Variants in ZFHX3 observed in about 807,000 individuals in gnomAD.
ZFHX3 encodes zinc finger homeobox protein 3.
ZFHX3 carries 42 observed loss-of-function variants against 279.1 expected under a neutral mutation model. The observed-to-expected ratio is 0.15, with a 90% CI of 0.12 to 0.19. ZFHX3 has a LOEUF of 0.19. Among genes scored for constraint, ZFHX3 ranks in the 10% least tolerant of loss-of-function variants. The pLI is 1.00. For missense variants in ZFHX3, 4,981 were observed against 4,754.0 expected (o/e 1.05, Z -1.40); for synonymous variants, 2,293 against 1,957.8 (o/e 1.17, Z -4.52).
rs999920457 is a variant in ZFHX3 at position 73,675,347 on chromosome 16, G to A, written c.-1547+4833C>T. On this transcript the variant is annotated intron_variant, in intron 2 of 17. Transcript: ENST00000641206. ...TCATTTCCCAAAACCTCCCTAAATA[G>A]AAGAAAAAAATGTAAGATAAAAATT... is the stretch of plus-strand genomic sequence containing the variant. Among the ~76,000 whole-genome samples the A allele has an allele frequency of 3.3e-5, 5 of 151,658 alleles. No individual in the cohort carries two copies. In the East Asian group the frequency reaches 7.7e-4, roughly 23 times the overall value.
At chr16:73,001,830 G>C (rs114449287) in intron 1 of ZFHX3, among the ~76,000 whole-genome samples, 8 of 151,894 alleles carry the variant, frequency 5.3e-5, no homozygotes, top group East Asian at 1.9e-4. Context: ...AAAAAAAAAG[G>C]GGGGGAAAGA....
intron 2 of ZFHX3, 106 bp from the exon 3 acceptor site, chr16:72,951,071 A>G: frequency 6.8e-7 from 1 of 1,470,940 alleles, no homozygotes. Flanking sequence ...GTCCAAAAGG[A>G]GAAGATGACA....
At chr16:73,821,149 A>C (rs1287849061) in intron 1 of ZFHX3, among the ~76,000 whole-genome samples, 1 of 152,204 alleles carries the variant, frequency 6.6e-6, no homozygotes, top group Non-Finnish European at 1.5e-5. Flanking sequence ...TTTTAGCCCC[A>C]AGACAGAAGA....
chr16:73,690,986 C>A (rs1339065599), intron 1 of ZFHX3, among the ~76,000 whole-genome samples: 2 of 152,136 alleles, frequency 1.3e-5, no homozygotes, highest in Non-Finnish European at 2.9e-5. Context: ...GACACACAGA[C>A]CAATTTTTCC....
intron 5 of ZFHX3, among the ~76,000 whole-genome samples, chr16:73,235,435 C>T (rs2012913245): frequency 6.6e-6 from 1 of 152,136 alleles, no homozygotes; most frequent in African/African-American, 2.4e-5. Flanking sequence ...TCTTTCTTCC[C>T]ACTGTACTTC....
At chr16:73,526,765 T>C (rs2019702921) in intron 2 of ZFHX3, among the ~76,000 whole-genome samples, 1 of 152,134 alleles carries the variant, frequency 6.6e-6, no homozygotes, top group Non-Finnish European at 1.5e-5. Flanking sequence ...GCAATTGCTC[T>C]TTAATAAACT....
chr16:73,801,410 C>T (rs553593789), intron 1 of ZFHX3, among the ~76,000 whole-genome samples: 4 of 152,228 alleles, frequency 2.6e-5, no homozygotes, highest in South Asian at 2.1e-4. Flanking sequence ...CACATGAAGG[C>T]GGTGTTCAAT....
chr16:73,071,035 G>A (rs1597147243), intron 8 of ZFHX3, among the ~76,000 whole-genome samples: 1 of 5,666 alleles, frequency 1.8e-4, no homozygotes, highest in African/African-American at 9.2e-4. Flanking sequence ...CCCGCCCCCC[G>A]CTTTTCAGTT....
intron 1 of ZFHX3, among the ~76,000 whole-genome samples, chr16:73,723,885 C>A (rs1040502692): frequency 6.6e-6 from 1 of 152,078 alleles, no homozygotes; most frequent in Admixed American, 6.5e-5. Flanking sequence ...ACCCAGGACA[C>A]CCTGATTATT....
At chr16:73,478,318 G>A (rs899640945) in intron 2 of ZFHX3, among the ~76,000 whole-genome samples, 22 of 150,132 alleles carry the variant, frequency 1.5e-4, no homozygotes, top group Middle Eastern at 3.5e-3. Flanking sequence ...CATATGACAT[G>A]CCTGAACAGG....
intron 3 of ZFHX3, among the ~76,000 whole-genome samples, chr16:72,928,351 T>C (rs538292456): frequency 6.7e-5 from 10 of 149,814 alleles, no homozygotes; most frequent in Admixed American, 6.7e-4. Flanking sequence ...AGAGGGAAAG[T>C]TGCTGTTGTA....
At chr16:72,812,133 C>A in intron 5 of ZFHX3, 95 bp from the exon 6 acceptor site, 1 of 1,492,724 alleles carries the variant, frequency 6.7e-7, no homozygotes, top group Non-Finnish European at 8.9e-7. Flanking sequence ...ATTTATAGCA[C>A]AGGATTTTCT....
chr16:73,873,213 T>G (rs1597153165), intron 1 of ZFHX3, among the ~76,000 whole-genome samples: 2 of 56,538 alleles, frequency 3.5e-5, no homozygotes, highest in South Asian at 1.1e-3. Context: ...TGGGTGGTAG[T>G]GGGTGGTGGG....
intron 3 of ZFHX3, among the ~76,000 whole-genome samples, chr16:73,451,774 G>A (rs151315425): frequency 6.6e-6 from 1 of 152,120 alleles, no homozygotes; most frequent in African/African-American, 2.4e-5. Flanking sequence ...TTAAAAAACG[G>A]AACTAAATAC....
In ZFHX3 at chr16:72,794,504, A is replaced by G. The variant is rs2229286; in HGVS notation, c.8178T>C (p.Leu2726=). 0.035 allele frequency: 56,582 copies of G among 1,614,138 alleles called. 5,959 individuals carry two copies. The highest frequency in any genetic ancestry group is 0.31 in the Admixed American group (18,582 of 60,010). The change falls in exon 9 of 10, where the codon CTT becomes CTC. Residue 2726 remains leucine (L), a synonymous_variant. Coordinates refer to ENST00000268489, the MANE Select transcript of ZFHX3 (RefSeq NM_006885.4). This position sits in a 1 kb window ranked among gnomAD's most constrained non-coding sequence, Gnocchi z 4.2. ...CRALFKAKTA[L]EAHIRSRHWH... ...AGTGACGGGACCGGATATGAGCCTC[A>G]AGAGCAGTCTTGGCTTTGAAGAGCG... is the stretch of plus-strand genomic sequence containing the variant.
At chr16:73,395,352 T>C (rs56334901) in intron 3 of ZFHX3, among the ~76,000 whole-genome samples, 32,490 of 151,834 alleles carry the variant, frequency 0.21, 3,577 homozygotes, top group East Asian at 0.34. Flanking sequence ...TAGTCCCAGC[T>C]ACTCAGGAGG....
At chr16:73,706,577 C>T (rs972832802) in intron 1 of ZFHX3, among the ~76,000 whole-genome samples, 1 of 152,146 alleles carries the variant, frequency 6.6e-6, no homozygotes, top group African/African-American at 2.4e-5. Context: ...ATATTCAAGG[C>T]TCTCCGTGGT....
intron 2 of ZFHX3, among the ~76,000 whole-genome samples, chr16:73,620,204 T>C (rs574436995): frequency 9.2e-5 from 14 of 152,266 alleles, no homozygotes; most frequent in Non-Finnish European, 1.6e-4. Flanking sequence ...ATACTAGAGG[T>C]AGCAAAAGAA....
intron 3 of ZFHX3, among the ~76,000 whole-genome samples, chr16:72,944,903 G>C (rs1596994440): frequency 6.6e-6 from 1 of 152,102 alleles, no homozygotes; most frequent in South Asian, 2.1e-4. Flanking sequence ...AAGTGCTATG[G>C]TTAATGGTTG....
Sources: gnomAD v4.1 joint callset for allele counts (sites outside exome capture counted in the v4.1 genomes callset) on GRCh38, gnomAD v4.1.1 for gene constraint, Gnocchi (gnomAD v3.1) non-coding constraint, MANE v1.5 for transcripts, NCBI Gene and HGNC (gene_info 2026-07-23, HGNC 2026-07-21) for gene names.